Variants in RRP12 observed in about 807,000 individuals in gnomAD.
RRP12 encodes ribosomal RNA processing 12 homolog.
A neutral mutation model predicts 157.3 loss-of-function variants in RRP12; 78 were observed. That is an observed-to-expected ratio of 0.50 (90% CI 0.41 to 0.60). The LOEUF is 0.60. Ranked by LOEUF, RRP12 falls within the 20% of genes least tolerant of loss-of-function variation. RRP12 has a pLI of 0.00. For missense variants in RRP12, 1,521 were observed against 1,679.9 expected, an observed-to-expected ratio of 0.91 and a Z score of 1.65; for synonymous variants, 726 against 670.9, an observed-to-expected ratio of 1.08 and a Z score of -1.27.
intron 8 of RRP12, among the ~76,000 whole-genome samples, chr10:97,387,819 G>A (rs958849770): frequency 1.3e-5 from 2 of 151,706 alleles, no homozygotes; most frequent in Non-Finnish European, 1.5e-5. Flanking sequence ...GTGCATGCCT[G>A]TAATCCCAGC....
chr10:97,393,718 C>T lies in RRP12; in HGVS notation c.496G>A (p.Ala166Thr), dbSNP rs374004800. The change falls in exon 4 of 34, where the codon GCC (alanine) becomes ACC (threonine). Residue 166 changes from alanine to threonine, a missense_variant. By Grantham distance (58) the Ala-to-Thr change is moderately conservative. Transcript: ENST00000370992. ...ACAAGGTTCAGCAGGTAAGCAACGG[C>T]GGCCAGGGACTCCGGGGACTCCACT... Reference protein sequence around the residue: ...EAVESPESLAAVAYLLNLVLK... With the variant: ...EAVESPESLATVAYLLNLVLK... The T allele has an allele frequency of 4.0e-5, 65 of 1,614,020 alleles. No individual in the cohort carries two copies. The highest frequency in any genetic ancestry group is 1.7e-4 in the Middle Eastern group (1 of 6,056).
rs1334706074 is a variant in RRP12 at position 97,400,516 on chromosome 10, A to T, written c.158T>A (p.Val53Asp). ...SRPSGRSDLT[V>D]DAVKLHNELQ... Reference sequence around the variant, plus strand: ...CTCATTATGTAACTTCACAGCATCGACTGTCAGGTCACTCCTTCCTGAGAG... The same window carrying T: ...CTCATTATGTAACTTCACAGCATCGTCTGTCAGGTCACTCCTTCCTGAGAG... Residue 53 changes from valine to aspartate, a missense_variant, in exon 2 of 34, where the codon GTC becomes GAC. Coordinates refer to ENST00000370992, the MANE Select transcript of RRP12 (RefSeq NM_015179.4). The T allele has an allele frequency of 6.2e-7, 1 of 1,613,738 alleles. No individual in the cohort carries two copies. Among genetic ancestry groups the T allele is most frequent in the Admixed American group, 1.7e-5 (1 of 59,982 alleles).
intron 4 of RRP12, 198 bp downstream of exon 4, chr10:97,393,486 G>A: frequency 1.5e-6 from 1 of 686,760 alleles, no homozygotes. Flanking sequence ...GTTCAGGACA[G>A]CCTAGTTTAG....
intron 8 of RRP12, among the ~76,000 whole-genome samples, chr10:97,386,787 G>A (rs1051639419): frequency 1.3e-5 from 2 of 152,134 alleles, no homozygotes; most frequent in Non-Finnish European, 2.9e-5. Flanking sequence ...CCAGGAGATC[G>A]AGAGCATCCT....
intron 4 of RRP12, among the ~76,000 whole-genome samples, chr10:97,391,993 T>C (rs1261012678): frequency 8.4e-6 from 1 of 119,068 alleles, no homozygotes; most frequent in Non-Finnish European, 1.8e-5. Flanking sequence ...AGTATATTCA[T>C]GTTGTGGGTT....
In RRP12 at chr10:97,365,993, G is replaced by A. The variant is rs1396200234; in HGVS notation, c.3517+115C>T. On this transcript the variant is annotated intron_variant, in intron 29 of 33. Transcript: ENST00000370992. ...GTTTGAGAAACTCAAAAAGTTTGAG[G>A]AAGCTGCCGAGAGAAGAGTTTCTCT... 7 of 1,395,032 alleles carry A rather than the reference G, an allele frequency of 5.0e-6. No homozygotes were observed. The Admixed American group carries it at 1.1e-4, about 21-fold the overall frequency. The allele number at this position is 1,395,032 out of a possible 1,614,324, so 86.4% of individuals were successfully genotyped here. A position where few individuals can be genotyped will look rare whatever the true frequency, so the allele number is the denominator to read the frequency against.
At position 97,357,443 on chromosome 10, in the gene RRP12, T is replaced by C. The variant is rs796974175; in HGVS notation, c.3792-247A>G. On this transcript the variant is annotated intron_variant, in intron 33 of 33. Coordinates refer to ENST00000370992, the MANE Select transcript of RRP12 (RefSeq NM_015179.4). ...GGCCTCCCTTCCATTTTTCCTCTAA[T>C]GTATGTCCAGAGAAGGTCAAAGCTC... Among the ~76,000 whole-genome samples, 13 of 152,254 alleles carry C rather than the reference T, an allele frequency of 8.5e-5. 1 individual carries two copies. Among genetic ancestry groups the C allele is most frequent in the African/African-American group, 3.1e-4 (13 of 41,546 alleles).
chr10:97,374,726 C>T (rs181305157), intron 15 of RRP12, among the ~76,000 whole-genome samples: 4 of 141,244 alleles, frequency 2.8e-5, no homozygotes, highest in East Asian at 4.3e-4. Context: ...GAGCCGAGAT[C>T]GTGCTATTGC....
Position 97,378,688 on chromosome 10 carries a change from C to T in RRP12, c.1798+605G>A, listed in dbSNP as rs1043829804. Among the ~76,000 whole-genome samples the T allele has an allele frequency of 1.2e-3, 181 of 152,140 alleles. 1 individual carries two copies. Among genetic ancestry groups the T allele is most frequent in the African/African-American group, 4.2e-3 (174 of 41,516 alleles). On this transcript the variant is annotated intron_variant, in intron 15 of 33. Transcript: ENST00000370992. ...TCTGGCTGCCATGGCAAAACCCTGTCGCTACTAAAAATACAAAAATTAGCC... is the reference window on the plus strand; with the variant it reads ...TCTGGCTGCCATGGCAAAACCCTGTTGCTACTAAAAATACAAAAATTAGCC...
chr10:97,357,600 C>T (rs1450361215), intron 33 of RRP12, among the ~76,000 whole-genome samples: 2 of 152,128 alleles, frequency 1.3e-5, no homozygotes, highest in East Asian at 1.9e-4. Flanking sequence ...GGGCCAAAGT[C>T]GGAAACAACT....
At chr10:97,401,001 G>A (rs760305763) in intron 1 of RRP12, 92 bp downstream of exon 1, 28 of 1,467,476 alleles carry the variant, frequency 1.9e-5, no homozygotes, top group Non-Finnish European at 2.6e-5. Context: ...CCAATGCCTG[G>A]CCCCGCACTC....
chr10:97,390,258 C>T lies in RRP12; in HGVS notation c.753+165G>A, dbSNP rs571706451. 2.0e-4 allele frequency among the ~76,000 whole-genome samples: 30 copies of T among 152,268 alleles called. No homozygotes were observed. In the East Asian group the frequency reaches 5.0e-3, roughly 25 times the overall value. On this transcript the variant is annotated intron_variant, in intron 6 of 33. Coordinates refer to ENST00000370992, the MANE Select transcript of RRP12 (RefSeq NM_015179.4). ...AACAGCCTCCTGGAGGAGGAAGAGC[C>T]GCCCTGCCTTCTGCATCTAAATGCA...
intron 24 of RRP12, among the ~76,000 whole-genome samples, 195 bp downstream of exon 24, chr10:97,369,972 G>A (rs1399700240): frequency 1.3e-5 from 2 of 152,182 alleles, no homozygotes; most frequent in Admixed American, 6.5e-5. Flanking sequence ...CCTGAGGAAG[G>A]TGCCTTGGCA....
Position 97,393,731 on chromosome 10 carries a change from C to A in RRP12, c.483G>T (p.Pro161=). 6.2e-7 allele frequency: 1 copy of A among 1,614,024 alleles called. No homozygotes were observed. The highest frequency in any genetic ancestry group is 1.7e-5 in the Admixed American group (1 of 59,996). The part of the protein sequence containing the change: ...LMTTMEAVES[P]ESLAAVAYLL... ...GGTAAGCAACGGCGGCCAGGGACTC[C>A]GGGGACTCCACTGCTTCCATTGTTG... The change falls in exon 4 of 34, where the codon CCG becomes CCT. Residue 161 remains proline (P), a synonymous_variant. Coordinates refer to ENST00000370992, the MANE Select transcript of RRP12 (RefSeq NM_015179.4).
intron 9 of RRP12, among the ~76,000 whole-genome samples, chr10:97,385,541 A>AC (rs1844606919): frequency 6.6e-6 from 1 of 151,002 alleles, no homozygotes; most frequent in Admixed American, 6.6e-5. Flanking sequence ...AAAAAAAAAA[A>AC]CGTACATTTT....
intron 27 of RRP12, 48 bp from the exon 28 acceptor site, chr10:97,366,669 G>T (rs72838759): frequency 7.7e-5 from 123 of 1,599,380 alleles, no homozygotes; most frequent in Non-Finnish European, 9.9e-5. Context: ...AGAGGCGGGG[G>T]TCAGCGGGTA....
In RRP12 at chr10:97,357,333, G is replaced by A. The variant is rs550001338; in HGVS notation, c.3792-137C>T. 10 of 590,742 alleles carry A rather than the reference G, an allele frequency of 1.7e-5. No homozygotes were observed. In the Admixed American group the frequency reaches 2.5e-4, roughly 15 times the overall value. The allele number at this position is 590,742 out of a possible 1,614,324, so 36.6% of individuals were successfully genotyped here. ...AGGTGGTGGCCAGCACATGAACTAGGCAGACCTCACGTGGTTCCAGCTTCC... is the reference window on the plus strand; with the variant it reads ...AGGTGGTGGCCAGCACATGAACTAGACAGACCTCACGTGGTTCCAGCTTCC... On this transcript the variant is annotated intron_variant, in intron 33 of 33. Coordinates refer to ENST00000370992, the MANE Select transcript of RRP12 (RefSeq NM_015179.4).
At position 97,363,250 on chromosome 10, in the gene RRP12, G is replaced by A. The variant is rs574345225; in HGVS notation, c.3567+604C>T. Among the ~76,000 whole-genome samples, 351 of 152,336 alleles carry A rather than the reference G, an allele frequency of 2.3e-3. 2 individuals are homozygous for A. Among genetic ancestry groups the A allele is most frequent in the African/African-American group, 7.8e-3 (325 of 41,586 alleles). On this transcript the variant is annotated intron_variant, in intron 30 of 33. Coordinates refer to ENST00000370992, the MANE Select transcript of RRP12 (RefSeq NM_015179.4). ...TTGAGACTGACAGGTGTTGGGTGAT[G>A]GGTTGGGCCCACTTCACCCTTGTTG...
rs1488790826 is a variant in RRP12, at chr10:97,372,291, G to A, written c.2250-125C>T. ...TCAGGGTGAGGACAAGGGGCTTGAA[G>A]GAGCTCATGAACAATAATAATAGCT... On this transcript the variant is annotated intron_variant, in intron 19 of 33. Coordinates refer to ENST00000370992, the MANE Select transcript of RRP12 (RefSeq NM_015179.4). The A allele has an allele frequency of 6.4e-6, 4 of 628,076 alleles. No homozygotes were observed. The East Asian group carries it at 1.1e-4, about 17-fold the overall frequency. The allele number at this position is 628,076 out of a possible 1,614,324, so 38.9% of individuals were successfully genotyped here.
Sources: gnomAD v4.1 joint callset for allele counts (sites outside exome capture counted in the v4.1 genomes callset) on GRCh38, gnomAD v4.1.1 for gene constraint, MANE v1.5 for transcripts, NCBI Gene and HGNC (gene_info 2026-07-23, HGNC 2026-07-21) for gene names.